ANO10: variants seen among roughly 807,000 people sequenced by gnomAD.
ANO10 encodes the protein anoctamin 10.
In ANO10, 77 loss-of-function variants were observed where a neutral mutation model predicts 74.7. The ratio of observed to expected loss-of-function variants is 1.03; its 90% CI spans 0.86 to 1.25. ANO10 has a LOEUF of 1.25. Among genes scored for constraint, ANO10 ranks in the 50% most tolerant of loss-of-function variants. The pLI is 0.00. For synonymous variants in ANO10, 279 were observed against 284.9 expected (o/e 0.98, Z 0.21); for missense variants, 721 against 778.1 (o/e 0.93, Z 0.87).
chr3:43,387,730 C>T (rs1461722243), intron 12 of ANO10, among the ~76,000 whole-genome samples: 2 of 152,188 alleles, frequency 1.3e-5, no homozygotes, highest in East Asian at 3.9e-4. Flanking sequence ...GTACTAGGCA[C>T]TGCCCCTTCT....
chr3:43,592,135 G>A (rs1402675559), intron 4 of ANO10, among the ~76,000 whole-genome samples: 4 of 152,228 alleles, frequency 2.6e-5, no homozygotes, highest in African/African-American at 9.6e-5. Context: ...ACAGCTCAAG[G>A]AGGCCTGCCA....
intron 4 of ANO10, among the ~76,000 whole-genome samples, chr3:43,583,419 G>T (rs1481622704): frequency 6.6e-6 from 1 of 152,146 alleles, no homozygotes; most frequent in Non-Finnish European, 1.5e-5. Context: ...TGGGGATATG[G>T]CTGTAATAGC....
At chr3:43,388,767 T>C (rs1346527844) in intron 12 of ANO10, among the ~76,000 whole-genome samples, 3 of 152,216 alleles carry the variant, frequency 2.0e-5, no homozygotes, top group African/African-American at 7.2e-5. Flanking sequence ...CCTAAAATGT[T>C]ATGGTTCATT....
intron 11 of ANO10, among the ~76,000 whole-genome samples, chr3:43,493,648 T>C (rs1401428718): frequency 6.6e-6 from 1 of 152,136 alleles, no homozygotes; most frequent in African/African-American, 2.4e-5. Context: ...TGCTATACAA[T>C]AGTTATTCCC....
intron 11 of ANO10, among the ~76,000 whole-genome samples, chr3:43,505,829 C>T (rs2077274353): frequency 6.6e-6 from 1 of 152,014 alleles, no homozygotes; most frequent in African/African-American, 2.4e-5. Context: ...CCCTATAGGG[C>T]CAGGATATTA....
intron 11 of ANO10, among the ~76,000 whole-genome samples, chr3:43,504,300 G>GTAGGTAGATAGGTAGA (rs71083075): frequency 1.4e-5 from 2 of 139,724 alleles, no homozygotes; most frequent in Admixed American, 7.3e-5. Context: ...AGGTAGGTAG[G>GTAGGTAGATAGGTAGA]TAGATAGATA....
intron 9 of ANO10, among the ~76,000 whole-genome samples, chr3:43,560,818 T>C (rs2079994181): frequency 6.6e-6 from 1 of 152,240 alleles, no homozygotes; most frequent in African/African-American, 2.4e-5. Context: ...CATTCCATTG[T>C]TCATCAATGA....
intron 12 of ANO10, among the ~76,000 whole-genome samples, chr3:43,428,819 G>C (rs1349793710): frequency 6.3e-5 from 1 of 15,796 alleles, no homozygotes; most frequent in Non-Finnish European, 2.0e-4. Context: ...AAAAAAAAAA[G>C]TCATTGAAGC....
intron 1 of ANO10, among the ~76,000 whole-genome samples, chr3:43,641,608 A>G (rs2083670984): frequency 6.6e-6 from 1 of 152,252 alleles, no homozygotes; most frequent in African/African-American, 2.4e-5. Flanking sequence ...CAACAAATGC[A>G]TTTGACTTAT....
chr3:43,444,984 C>G (rs539829171), intron 11 of ANO10, among the ~76,000 whole-genome samples: 4 of 151,718 alleles, frequency 2.6e-5, no homozygotes, highest in Admixed American at 6.6e-5. Flanking sequence ...TTAGCCAGGC[C>G]TGGTGACAGG....
At chr3:43,576,025 T>C (rs2080977370) in intron 6 of ANO10, among the ~76,000 whole-genome samples, 1 of 152,196 alleles carries the variant, frequency 6.6e-6, no homozygotes, top group African/African-American at 2.4e-5. Flanking sequence ...TTTGAATGAA[T>C]AAATAAAGAG....
chr3:43,584,695 T>G (rs1416450786), intron 4 of ANO10, among the ~76,000 whole-genome samples: 1 of 152,170 alleles, frequency 6.6e-6, no homozygotes, highest in African/African-American at 2.4e-5. Context: ...GGACCTACAA[T>G]GCACATCTCA....
chr3:43,508,605 T>C (rs1374918170), intron 11 of ANO10, among the ~76,000 whole-genome samples: 1 of 152,172 alleles, frequency 6.6e-6, no homozygotes, highest in Non-Finnish European at 1.5e-5. Flanking sequence ...CATGGAATAC[T>C]ATGCAGCCAT....
intron 12 of ANO10, among the ~76,000 whole-genome samples, chr3:43,375,218 G>C (rs1481747690): frequency 6.6e-6 from 1 of 152,076 alleles, no homozygotes; most frequent in Admixed American, 6.5e-5. Flanking sequence ...GGCCAAGGCA[G>C]GTGGATCACC....
chr3:43,383,399 A>C (rs1230592579), intron 12 of ANO10, among the ~76,000 whole-genome samples: 2 of 147,746 alleles, frequency 1.4e-5, no homozygotes, highest in Non-Finnish European at 3.0e-5. Context: ...GCTTGCAGTG[A>C]GCCGAGACTG....
intron 11 of ANO10, among the ~76,000 whole-genome samples, chr3:43,486,731 C>T (rs1351491710): frequency 6.6e-6 from 1 of 151,706 alleles, no homozygotes; most frequent in Non-Finnish European, 1.5e-5. Context: ...TCTAGATATA[C>T]AATCATGTCG....
intron 8 of ANO10, among the ~76,000 whole-genome samples, chr3:43,563,404 G>C (rs575780331): frequency 7.1e-6 from 1 of 140,632 alleles, no homozygotes; most frequent in Non-Finnish European, 1.5e-5. Flanking sequence ...TTATATAAAA[G>C]AGTATGGCGA....
intron 11 of ANO10, among the ~76,000 whole-genome samples, chr3:43,534,970 AT>A (rs1231149994): frequency 8.7e-5 from 13 of 150,052 alleles, no homozygotes; most frequent in Admixed American, 8.6e-4. Context: ...CTATATGTAG[AT>A]TTTTTTCTTT....
chr3:43,571,579 G>A (rs569342071), intron 7 of ANO10, among the ~76,000 whole-genome samples: 86 of 151,478 alleles, frequency 5.7e-4, no homozygotes, highest in South Asian at 1.5e-3. Context: ...GTAAACTATC[G>A]CAAGAACAAA....
Sources: gnomAD v4.1 joint callset for allele counts (sites outside exome capture counted in the v4.1 genomes callset) on GRCh38, gnomAD v4.1.1 for gene constraint, MANE v1.5 for transcripts, NCBI Gene and HGNC (gene_info 2026-07-23, HGNC 2026-07-21) for gene names.